UQCRC2: variants seen among roughly 807,000 people sequenced by gnomAD.
UQCRC2 encodes ubiquinol-cytochrome c reductase core protein 2, also known as cytochrome b-c1 complex subunit 2, mitochondrial.
UQCRC2 carries 49 observed loss-of-function variants against 55.6 expected under a neutral mutation model. The ratio of observed to expected loss-of-function variants is 0.88; its 90% CI spans 0.70 to 1.12. The LOEUF is 1.12. Ranked by LOEUF, UQCRC2 falls within the 50% of genes most tolerant of loss-of-function variation. The pLI is 0.00. For missense variants in UQCRC2, 506 were observed against 547.8 expected (o/e 0.92, Z 0.76); for synonymous variants, 193 against 192.0 (o/e 1.01, Z -0.04).
chr16:21,980,986 T>C (rs532148644), intron 13 of UQCRC2, among the ~76,000 whole-genome samples: 73 of 152,292 alleles, frequency 4.8e-4, no homozygotes, highest in Non-Finnish European at 8.5e-4. Flanking sequence ...GTGCATTTAA[T>C]ACACCTAACG....
chr16:21,967,136 T>G lies in UQCRC2; in HGVS notation c.613-1492T>G, dbSNP rs764059439. 1.3e-3 allele frequency among the ~76,000 whole-genome samples: 205 copies of G among 152,296 alleles called. 10 individuals carry two copies. The highest frequency in any genetic ancestry group is 1.0e-3 in the Non-Finnish European group (68 of 68,026). Reference sequence around the variant, plus strand: ...TGTGTCCCTAGGCTAAAGGAAACTCTAAAGAAATTGGCGCTAGAATACTTG... The same window carrying G: ...TGTGTCCCTAGGCTAAAGGAAACTCGAAAGAAATTGGCGCTAGAATACTTG... On this transcript the variant is annotated intron_variant, in intron 7 of 13. Coordinates refer to ENST00000268379, the MANE Select transcript of UQCRC2 (RefSeq NM_003366.4).
chr16:21,976,268 T>C, intron 12 of UQCRC2, 25 bp downstream of exon 12: 1 of 1,577,980 alleles, frequency 6.3e-7, no homozygotes, highest in Non-Finnish European at 8.7e-7. Flanking sequence ...TAACTGTGTT[T>C]TATGTTTTTG....
At chr16:21,982,031 G>A (rs974504503) in intron 13 of UQCRC2, among the ~76,000 whole-genome samples, 7 of 151,546 alleles carry the variant, frequency 4.6e-5, no homozygotes, top group Non-Finnish European at 7.4e-5. Context: ...TAGTAGAGAC[G>A]GGGTTTTACC....
chr16:21,953,948 G>C (rs1898052704), intron 1 of UQCRC2, among the ~76,000 whole-genome samples: 1 of 152,152 alleles, frequency 6.6e-6, no homozygotes, highest in East Asian at 1.9e-4. Context: ...ATACTATGGT[G>C]TCTTAGTAGT....
intron 1 of UQCRC2, among the ~76,000 whole-genome samples, chr16:21,953,769 C>G (rs1170433420): frequency 6.6e-6 from 1 of 152,134 alleles, no homozygotes; most frequent in Non-Finnish European, 1.5e-5. Context: ...CCGTGAAACC[C>G]AGGGGGAGCG....
rs1898043622 is a variant in UQCRC2 at position 21,953,421 on chromosome 16, A to G, written c.-3A>G. The G allele has an allele frequency of 6.2e-7, 1 of 1,612,442 alleles. No individual in the cohort carries two copies. The highest frequency in any genetic ancestry group is 8.5e-7 in the Non-Finnish European group (1 of 1,179,704). ...TGACCGTGTGTCAGAACAATCTTGA[A>G]TCATGAAGCTACTAACCAGAGCCGG... On this transcript the variant is annotated 5_prime_UTR_variant, in exon 1 of 14. Coordinates refer to ENST00000268379, the MANE Select transcript of UQCRC2 (RefSeq NM_003366.4).
chr16:21,957,009 C>T (rs2141925688), intron 1 of UQCRC2, among the ~76,000 whole-genome samples: 1 of 151,100 alleles, frequency 6.6e-6, no homozygotes, highest in South Asian at 2.1e-4. Flanking sequence ...GTAGAGGTTG[C>T]AGTGAGCTGA....
chr16:21,983,178 T>G lies in UQCRC2; in HGVS notation c.*7T>G, dbSNP rs1219222894. The G allele has an allele frequency of 6.2e-7, 1 of 1,612,672 alleles. No individual in the cohort carries two copies. Among genetic ancestry groups the G allele is most frequent in the African/African-American group, 1.3e-5 (1 of 74,878 alleles). ...TTTTGTTGATGAGTTGTAATACTGA[T>G]GCACACATTACAGGAGAGAGCTGAA... On this transcript the variant is annotated 3_prime_UTR_variant, in exon 14 of 14. Coordinates refer to ENST00000268379, the MANE Select transcript of UQCRC2 (RefSeq NM_003366.4).
chr16:21,966,062 T>C (rs989288024), intron 7 of UQCRC2, among the ~76,000 whole-genome samples: 8 of 151,572 alleles, frequency 5.3e-5, no homozygotes, highest in Admixed American at 4.6e-4. Context: ...GCGTGTAATC[T>C]CAGCACTTTG....
In UQCRC2 at chr16:21,972,129, C is replaced by T. The variant is rs770154692; in HGVS notation, c.966+7C>T. ...AACTCAGCAGCCATTTGATGTGAGTCTGAACAGTTGGTATCTCTCTTTTTG... is the reference window on the plus strand; with the variant it reads ...AACTCAGCAGCCATTTGATGTGAGTTTGAACAGTTGGTATCTCTCTTTTTG... On this transcript the variant is annotated splice_region_variant and intron_variant, in intron 10 of 13. Transcript: ENST00000268379. 2.5e-6 allele frequency: 4 copies of T among 1,610,888 alleles called. No homozygotes were observed. The Admixed American group carries it at 6.7e-5, about 27-fold the overall frequency.
chr16:21,974,174 A>G (rs1250056712), intron 11 of UQCRC2, among the ~76,000 whole-genome samples, 198 bp downstream of exon 11: 2 of 152,192 alleles, frequency 1.3e-5, no homozygotes, highest in African/African-American at 2.4e-5. Flanking sequence ...AGGAAAGAGG[A>G]GAGAATTGCC....
In UQCRC2 at chr16:21,971,525, G is replaced by A. The variant is rs1898460305; in HGVS notation, c.671G>A (p.Gly224Asp). 1 of 1,612,650 alleles carries A rather than the reference G, an allele frequency of 6.2e-7. No individual in the cohort carries two copies. Among genetic ancestry groups the A allele is most frequent in the Non-Finnish European group, 8.5e-7 (1 of 1,179,070 alleles). Residue 224 changes from glycine (G) to aspartate (D), a missense_variant and splice_region_variant, in exon 9 of 14, where the codon GGT becomes GAT. Coordinates refer to ENST00000268379, the MANE Select transcript of UQCRC2 (RefSeq NM_003366.4). ...TSARMALIGL[G>D]VSHPVLKQVA... ...TTTGTTTTTGCTTCTGTTGAAACAG[G>A]TGTGAGTCATCCTGTTCTAAAGCAA...
chr16:21,962,488 T>G lies in UQCRC2; in HGVS notation c.361T>G (p.Tyr121Asp). The change falls in exon 5 of 14, where the codon TAT becomes GAT. Residue 121 changes from tyrosine (Y) to aspartate (D), a missense_variant. Transcript: ENST00000268379. ...GACCGCAACAAGGGAAAACATGGCT[T>G]ATACTGTGGAATGCCTGCGGGGTGA... ...SVTATRENMA[Y>D]TVECLRGDVD... The G allele has an allele frequency of 6.2e-7, 1 of 1,614,186 alleles. No individual in the cohort carries two copies. Among genetic ancestry groups the G allele is most frequent in the Non-Finnish European group, 8.5e-7 (1 of 1,180,018 alleles).
chr16:21,953,487 C>A, intron 1 of UQCRC2, 31 bp downstream of exon 1: 1 of 1,609,988 alleles, frequency 6.2e-7, no homozygotes. Context: ...TGGGAAAGGG[C>A]TGGGGAGCAG....
chr16:21,964,923 A>G (rs1275413891), intron 6 of UQCRC2, among the ~76,000 whole-genome samples: 1 of 152,242 alleles, frequency 6.6e-6, no homozygotes, highest in African/African-American at 2.4e-5. Context: ...AAGCAGGGAA[A>G]GCACCAAGCA....
chr16:21,954,296 T>C (rs1480701232), intron 1 of UQCRC2, among the ~76,000 whole-genome samples: 2 of 152,112 alleles, frequency 1.3e-5, no homozygotes. Context: ...CAAAGAATTA[T>C]CTAGCCCCAA....
chr16:21,974,965 A>G (rs1348604693), intron 11 of UQCRC2, among the ~76,000 whole-genome samples: 1 of 152,220 alleles, frequency 6.6e-6, no homozygotes, highest in Non-Finnish European at 1.5e-5. Flanking sequence ...GGACAGACAA[A>G]TAGTGAGGTA....
chr16:21,957,475 C>T lies in UQCRC2; in HGVS notation c.176C>T (p.Ser59Leu). ...TCTTTGGAAAACTATTCTCCTGTAT[C>T]AAGAATTGGTTTGTTCATTAAAGCA... ...IASLENYSPV[S>L]RIGLFIKAGS... The change falls in exon 3 of 14, where the codon TCA (serine) becomes TTA (leucine). Residue 59 changes from serine to leucine, a missense_variant. Physicochemically the swap from Ser to Leu is moderately radical, Grantham distance 145. Transcript: ENST00000268379. 3 of 1,614,090 alleles carry T rather than the reference C, an allele frequency of 1.9e-6. No individual in the cohort carries two copies. In the East Asian group the frequency reaches 6.7e-5, roughly 36 times the overall value.
intron 11 of UQCRC2, among the ~76,000 whole-genome samples, chr16:21,975,009 T>C (rs933032012): frequency 4.2e-4 from 64 of 152,176 alleles, no homozygotes; most frequent in Non-Finnish European, 1.0e-4. Flanking sequence ...AGTGTAGATG[T>C]ATCCTTGAAA....
Sources: allele counts gnomAD v4.1 joint callset (sites outside exome capture counted in the v4.1 genomes callset), GRCh38; gene constraint gnomAD v4.1.1; transcripts MANE v1.5; gene names NCBI Gene and HGNC (gene_info 2026-07-23, HGNC 2026-07-21).